The following GANC variants were observed in gnomAD, a reference collection of about 807,000 sequenced individuals.
GANC encodes the protein neutral alpha-glucosidase C.
GANC carries 117 observed loss-of-function variants against 124.2 expected under a neutral mutation model. The ratio of observed to expected loss-of-function variants is 0.94; its 90% CI spans 0.81 to 1.10. The LOEUF is 1.10. GANC is among the 50% of genes least tolerant of loss of function. GANC has a pLI of 0.00. For missense variants in GANC, 1,140 were observed against 1,095.0 expected (o/e 1.04, Z -0.58); for synonymous variants, 377 against 376.8 (o/e 1.00, Z -0.01).
At chr15:42,325,422 G>A (rs1180463255) in intron 11 of GANC, among the ~76,000 whole-genome samples, 1 of 152,234 alleles carries the variant, frequency 6.6e-6, no homozygotes, top group Non-Finnish European at 1.5e-5. Flanking sequence ...TAGACTGGTG[G>A]AAGTGATGGT....
At chr15:42,302,943 C>T (rs1266907365) in intron 6 of GANC, among the ~76,000 whole-genome samples, 1 of 152,176 alleles carries the variant, frequency 6.6e-6, no homozygotes, top group African/African-American at 2.4e-5. Flanking sequence ...AGGATATTAT[C>T]CAGGAGAATT....
intron 3 of GANC, among the ~76,000 whole-genome samples, chr15:42,286,586 C>T (rs573673398): frequency 3.3e-5 from 5 of 152,296 alleles, no homozygotes; most frequent in South Asian, 4.1e-4. Context: ...CATCATAACC[C>T]TGCCTTAGAA....
At chr15:42,311,124 C>T (rs906981316) in intron 10 of GANC, among the ~76,000 whole-genome samples, 5 of 152,176 alleles carry the variant, frequency 3.3e-5, no homozygotes, top group African/African-American at 1.2e-4. Context: ...TCTCAGATGA[C>T]CAGTATCCCA....
At position 42,352,744 on chromosome 15, in the gene GANC, A is replaced by G. The variant is rs908265349; in HGVS notation, c.*605A>G. ...TGCTTCTCAGGCTCAATAGTTTCTA[A>G]TTAATCTTAAAATCCATGTCTTTTA... On this transcript the variant is annotated 3_prime_UTR_variant, in exon 24 of 24. Coordinates refer to ENST00000318010, the MANE Select transcript of GANC (RefSeq NM_198141.3). 1.7e-5 allele frequency: 17 copies of G among 984,676 alleles called. No homozygotes were observed. The African/African-American group carries it at 2.8e-4, about 16-fold the overall frequency. 61.0% of individuals were successfully genotyped at this position (984,676 alleles called of 1,614,324 possible). A position where few individuals can be genotyped will look rare whatever the true frequency, so the allele number is the denominator to read the frequency against.
At chr15:42,337,903 A>G (rs1342179131) in intron 15 of GANC, among the ~76,000 whole-genome samples, 1 of 152,160 alleles carries the variant, frequency 6.6e-6, no homozygotes, top group Admixed American at 6.5e-5. Flanking sequence ...TCTGCTAAAA[A>G]TACAAAATTT....
chr15:42,332,302 T>C, intron 15 of GANC, among the ~76,000 whole-genome samples: 1 of 152,218 alleles, frequency 6.6e-6, no homozygotes, highest in African/African-American at 2.4e-5. Flanking sequence ...ATTTTACAAA[T>C]TGTCTACAAG....
intron 13 of GANC, 110 bp from the exon 14 acceptor site, chr15:42,329,196 G>A (rs2052221046): frequency 2.7e-6 from 3 of 1,104,066 alleles, no homozygotes; most frequent in Non-Finnish European, 3.9e-6. Flanking sequence ...GTGGAGCAGA[G>A]GACAGAGCAT....
At chr15:42,295,682 AC>A (rs2051884552) in intron 5 of GANC, among the ~76,000 whole-genome samples, 2 of 121,514 alleles carry the variant, frequency 1.6e-5, no homozygotes, top group African/African-American at 5.4e-5. Flanking sequence ...ACACACACAC[AC>A]ACACAGCGTG....
intron 18 of GANC, among the ~76,000 whole-genome samples, chr15:42,342,593 G>GA (rs554964262): frequency 2.0e-4 from 28 of 142,910 alleles, no homozygotes; most frequent in Admixed American, 2.1e-4. Flanking sequence ...TGTCTCTAAG[G>GA]AAAAAAAAAA....
chr15:42,339,453 C>T (rs371219145), intron 16 of GANC, among the ~76,000 whole-genome samples: 11 of 151,836 alleles, frequency 7.2e-5, no homozygotes, highest in South Asian at 2.1e-4. Context: ...TCTGACCTTT[C>T]GACAAGAAAG....
At chr15:42,342,963 A>G (rs539740236) in intron 18 of GANC, 115 bp from the exon 19 acceptor site, 6 of 790,860 alleles carry the variant, frequency 7.6e-6, no homozygotes, top group South Asian at 4.8e-5. Context: ...TGCCTCTCCA[A>G]AGTTCACAGC....
At chr15:42,326,209 T>G in intron 11 of GANC, 89 bp from the exon 12 acceptor site, 1 of 867,354 alleles carries the variant, frequency 1.2e-6, no homozygotes, top group Non-Finnish European at 1.8e-6. Context: ...TTTGTAAAAA[T>G]TGAACCCCCA....
Position 42,292,778 on chromosome 15 carries a change from G to T in GANC, c.373G>T (p.Asp125Tyr). The part of the protein sequence containing the change: ...SGDTGSLILA[D>Y]GKGDLKCHIT... ...GGACACAGGCAGTCTGATATTGGCA[G>T]ATGGAAAAGGAGACCTGAAGTGCCA... Residue 125 changes from aspartate (D) to tyrosine (Y), a missense_variant, in exon 5 of 24, where the codon GAT becomes TAT. Coordinates refer to ENST00000318010, the MANE Select transcript of GANC (RefSeq NM_198141.3). The T allele has an allele frequency of 1.2e-6, 2 of 1,614,110 alleles. No homozygotes were observed.
At chr15:42,314,282 A>G (rs776800326) in intron 10 of GANC, 17 of 634,140 alleles carry the variant, frequency 2.7e-5, no homozygotes, top group Non-Finnish European at 4.8e-5. Flanking sequence ...GAAAGGGGGC[A>G]TTTTCTCAGC....
At chr15:42,304,698 T>A (rs985695946) in intron 6 of GANC, among the ~76,000 whole-genome samples, 1 of 152,224 alleles carries the variant, frequency 6.6e-6, no homozygotes, top group African/African-American at 2.4e-5. Flanking sequence ...GTTATCACTC[T>A]ACCTGACTTC....
chr15:42,330,770 C>CTTTTTTTTTTTTTT (rs71108160), intron 15 of GANC, 98 bp downstream of exon 15: 8 of 361,072 alleles, frequency 2.2e-5, no homozygotes, highest in Admixed American at 1.5e-4. Context: ...CTTCCTTTTC[C>CTTTTTTTTTTTTTT]TTTTTTTTTT....
intron 6 of GANC, among the ~76,000 whole-genome samples, chr15:42,300,557 A>C (rs2051935689): frequency 6.6e-6 from 1 of 152,252 alleles, no homozygotes; most frequent in South Asian, 2.1e-4. Context: ...TCAAGGGTCT[A>C]GAACCAGAAA....
rs555896903 is a variant in GANC, at chr15:42,338,133, A to G, written c.1742-256A>G. On this transcript the variant is annotated intron_variant, in intron 15 of 23. Coordinates refer to ENST00000318010, the MANE Select transcript of GANC (RefSeq NM_198141.3). ...AGTTGATTTTTCAAAGGGTTCCTCTATCAGACCTAAATTATACTTAAAAAA... is the reference window on the plus strand; with the variant it reads ...AGTTGATTTTTCAAAGGGTTCCTCTGTCAGACCTAAATTATACTTAAAAAA... Among the ~76,000 whole-genome samples the G allele has an allele frequency of 4.9e-4, 75 of 151,702 alleles. 1 individual carries two copies. In the South Asian group the frequency reaches 0.014, roughly 29 times the overall value.
chr15:42,275,436 C>T (rs564010812), intron 1 of GANC, among the ~76,000 whole-genome samples: 1 of 152,242 alleles, frequency 6.6e-6, no homozygotes, highest in Admixed American at 6.5e-5. Context: ...GAAGGACAAA[C>T]AGTTTTTTAG....
Sources: allele counts gnomAD v4.1 joint callset (sites outside exome capture counted in the v4.1 genomes callset), GRCh38; gene constraint gnomAD v4.1.1; transcripts MANE v1.5; gene names NCBI Gene and HGNC (gene_info 2026-07-23, HGNC 2026-07-21).